The following UIMC1 variants were observed in gnomAD, a reference collection of about 807,000 sequenced individuals.
The protein encoded by UIMC1 is ubiquitin interaction motif containing 1, also known as BRCA1-A complex subunit RAP80.
In UIMC1, 42 loss-of-function variants were observed where a neutral mutation model predicts 84.9. The observed-to-expected ratio is 0.49, with a 90% CI of 0.39 to 0.64. The LOEUF is 0.64. Ranked by LOEUF, UIMC1 falls within the 30% of genes least tolerant of loss-of-function variation. The pLI is 0.00. For missense variants in UIMC1, 825 were observed against 847.6 expected, an observed-to-expected ratio of 0.97 and a Z score of 0.33; for synonymous variants, 281 against 293.0, an observed-to-expected ratio of 0.96 and a Z score of 0.42.
intron 1 of UIMC1, among the ~76,000 whole-genome samples, chr5:177,019,597 A>G (rs1015353512): frequency 5.3e-5 from 8 of 150,154 alleles, no homozygotes; most frequent in Non-Finnish European, 1.0e-4. Context: ...AGCTATGATC[A>G]TACCACTGCA....
At chr5:177,002,611 C>G (rs1330861637) in intron 1 of UIMC1, among the ~76,000 whole-genome samples, 1 of 152,102 alleles carries the variant, frequency 6.6e-6, no homozygotes, top group East Asian at 1.9e-4. Context: ...ACCATCCTGG[C>G]TAACACGGTG....
At chr5:177,001,102 T>G (rs1284510509) in intron 1 of UIMC1, among the ~76,000 whole-genome samples, 1 of 152,140 alleles carries the variant, frequency 6.6e-6, no homozygotes, top group East Asian at 1.9e-4. Context: ...TCCTAGAGAG[T>G]TTCCCCAAAG....
At chr5:176,942,662 T>C (rs993008896) in intron 10 of UIMC1, among the ~76,000 whole-genome samples, 8 of 145,732 alleles carry the variant, frequency 5.5e-5, no homozygotes, top group African/African-American at 1.5e-4. Context: ...AGGAGAATGG[T>C]GTGAACCCAG....
At chr5:177,007,941 C>T (rs1221540844), upstream of UIMC1, among the ~76,000 whole-genome samples, 1 of 151,964 alleles carries the variant, frequency 6.6e-6, no homozygotes, top group South Asian at 2.1e-4. Flanking sequence ...CCCATCTCCA[C>T]TAAAAATACA....
intron 1 of UIMC1, among the ~76,000 whole-genome samples, chr5:176,983,951 T>C (rs1197830012): frequency 3.1e-5 from 4 of 129,624 alleles, no homozygotes; most frequent in Non-Finnish European, 6.3e-5. Context: ...GGAGTGCCTC[T>C]GCCCAGCCGC....
chr5:177,005,249 A>AT (rs1775093395), intron 1 of UIMC1, among the ~76,000 whole-genome samples: 1 of 151,438 alleles, frequency 6.6e-6, no homozygotes, highest in South Asian at 2.1e-4. Flanking sequence ...AATTTTTTTT[A>AT]TTTTTTGTAG....
At chr5:177,019,957 C>T (rs974014387) in intron 1 of UIMC1, among the ~76,000 whole-genome samples, 1 of 151,888 alleles carries the variant, frequency 6.6e-6, no homozygotes, top group Admixed American at 6.6e-5. Context: ...AAACACTGGC[C>T]AAACATCAGT....
At chr5:176,970,428 T>G (rs2149485855) in intron 4 of UIMC1, 1 of 384,516 alleles carries the variant, frequency 2.6e-6, no homozygotes, top group Non-Finnish European at 4.9e-6. Context: ...GAAGTTAGCA[T>G]CTTATCTTGC....
chr5:176,997,983 G>A lies in UIMC1; in HGVS notation c.-9+8667C>T, dbSNP rs570362281. 5.3e-5 allele frequency among the ~76,000 whole-genome samples: 8 copies of A among 152,196 alleles called. No individual in the cohort carries two copies. The South Asian group carries it at 1.7e-3, about 32-fold the overall frequency. The stretch of plus-strand genomic sequence containing the variant: ...CAGAGAAATCTTTCTTGGCTCCCCA[G>A]ATTGGTCAAATACCTCTACTATACA... On this transcript the variant is annotated intron_variant, in intron 1 of 14. Transcript: ENST00000511320.
At chr5:176,982,400 A>C in intron 2 of UIMC1, 69 bp downstream of exon 2, 1 of 1,534,436 alleles carries the variant, frequency 6.5e-7, no homozygotes, top group Non-Finnish European at 8.8e-7. Context: ...GTCACGAAAC[A>C]AACTCCCCAT....
chr5:176,944,699 G>A (rs973832140), intron 9 of UIMC1, among the ~76,000 whole-genome samples: 5 of 152,160 alleles, frequency 3.3e-5, no homozygotes, highest in African/African-American at 9.7e-5. Context: ...AGAGGTTGGG[G>A]CTATCTCTAA....
At chr5:176,970,721 T>A (rs758825807) in intron 4 of UIMC1, 21 bp downstream of exon 4, 1 of 1,613,778 alleles carries the variant, frequency 6.2e-7, no homozygotes, top group African/African-American at 1.3e-5. Flanking sequence ...TCCACAAACT[T>A]TTGCAACATG....
At position 176,982,546 on chromosome 5, in the gene UIMC1, T is replaced by G. The variant is rs1335032216; in HGVS notation, c.70A>C (p.Thr24Pro). 6.2e-7 allele frequency: 1 copy of G among 1,614,104 alleles called. No homozygotes were observed. The highest frequency in any genetic ancestry group is 8.5e-7 in the Non-Finnish European group (1 of 1,180,012). ...SRNLEKKDVE[T>P]TSSVSVKRKR... ...CTCTTCACACTGACAGAACTGGTAGTTTCCACATCCTTCTTCTCCAGGTTC... is the reference window on the plus strand; with the variant it reads ...CTCTTCACACTGACAGAACTGGTAGGTTCCACATCCTTCTTCTCCAGGTTC... Residue 24 changes from threonine to proline, a missense_variant, in exon 2 of 15, where the codon ACT (threonine) becomes CCT (proline). Physicochemically the swap from Thr to Pro is conservative, Grantham distance 38. Transcript: ENST00000511320.
intron 10 of UIMC1, among the ~76,000 whole-genome samples, chr5:176,934,570 TGAG>T (rs1173923977): frequency 6.6e-6 from 1 of 152,222 alleles, no homozygotes; most frequent in African/African-American, 2.4e-5. Flanking sequence ...ACTTGTGACG[TGAG>T]GAGAAAGAAA....
At chr5:176,911,839 G>C (rs1760257213) in intron 10 of UIMC1, among the ~76,000 whole-genome samples, 1 of 152,196 alleles carries the variant, frequency 6.6e-6, no homozygotes, top group African/African-American at 2.4e-5. Flanking sequence ...AAGTTCTGCA[G>C]TGAGAAAACT....
In UIMC1 at chr5:176,975,217, G is replaced by T. The variant is rs528244184; in HGVS notation, c.232+179C>A. 3.3e-5 allele frequency among the ~76,000 whole-genome samples: 5 copies of T among 151,988 alleles called. No homozygotes were observed. The South Asian group carries it at 1.0e-3, about 32-fold the overall frequency. On this transcript the variant is annotated intron_variant, in intron 3 of 14. Transcript: ENST00000511320. Reference sequence around the variant, plus strand: ...CTTCTGGCTTCCACTGAAGATACAGGAAACTGAAAAAAGTTATTGTTCCAA... The same window carrying T: ...CTTCTGGCTTCCACTGAAGATACAGTAAACTGAAAAAAGTTATTGTTCCAA...
intron 7 of UIMC1, among the ~76,000 whole-genome samples, chr5:176,957,316 T>C (rs528633834): frequency 1.4e-4 from 21 of 152,240 alleles, no homozygotes; most frequent in African/African-American, 4.3e-4. Flanking sequence ...AGAACAGTCA[T>C]GCAGTTCAAA....
intron 10 of UIMC1, among the ~76,000 whole-genome samples, chr5:176,933,527 A>ATTTT (rs11333768): frequency 2.0e-5 from 3 of 147,796 alleles, no homozygotes. Flanking sequence ...GCTAGTTTAG[A>ATTTT]TTTTTTTTTT....
intron 6 of UIMC1, among the ~76,000 whole-genome samples, chr5:176,967,330 T>C (rs1768457589): frequency 6.6e-6 from 1 of 151,940 alleles, no homozygotes; most frequent in Admixed American, 6.6e-5. Flanking sequence ...TATACTGTTA[T>C]GTAATGATCT....
Sources: allele counts gnomAD v4.1 joint callset (sites outside exome capture counted in the v4.1 genomes callset), GRCh38; gene constraint gnomAD v4.1.1; transcripts MANE v1.5; gene names NCBI Gene and HGNC (gene_info 2026-07-23, HGNC 2026-07-21).